The following ABCA5 variants were observed in gnomAD, a reference collection of about 807,000 sequenced individuals.
ABCA5 encodes cholesterol transporter ABCA5.
In ABCA5, 163 loss-of-function variants were observed where a neutral mutation model predicts 206.0. The ratio of observed to expected loss-of-function variants is 0.79; its 90% confidence interval spans 0.70 to 0.90. The LOEUF is 0.90. ABCA5 is among the 40% of genes least tolerant of loss of function. The pLI is 0.00. For synonymous variants in ABCA5, 609 were observed against 613.8 expected (o/e 0.99, Z 0.11); for missense variants, 1,859 against 1,912.9 (o/e 0.97, Z 0.53).
In ABCA5 at chr17:69,271,270, A is replaced by G. The variant is rs199845844; in HGVS notation, c.2784T>C (p.Leu928=). The G allele has an allele frequency of 1.5e-5, 24 of 1,612,088 alleles. No homozygotes were observed. The East Asian group carries it at 5.4e-4, about 36-fold the overall frequency. Residue 928 remains leucine, a synonymous_variant, in exon 21 of 39, where the codon CTT becomes CTC. Transcript: ENST00000392676. The part of the protein sequence containing the change: ...QNSADSDISD[L]ISFFTSQNIM... ...TGTTCTGGCTTGTGAAAAAGCTAAT[A>G]AGATCACTGATATCTGAGTCTGGTG... is the stretch of plus-strand genomic sequence containing the variant.
rs368003466 is a variant in ABCA5, at chr17:69,313,074, T to C, written c.307+18A>G. On this transcript the variant is annotated intron_variant, in intron 3 of 38. Coordinates refer to ENST00000392676, the MANE Select transcript of ABCA5 (RefSeq NM_172232.4). ...GGCTTAATATTATAAACAGAATATATATATAAGCTCACAATACCATCAGGT... is the reference window on the plus strand; with the variant it reads ...GGCTTAATATTATAAACAGAATATACATATAAGCTCACAATACCATCAGGT... 19 of 1,551,462 alleles carry C rather than the reference T, an allele frequency of 1.2e-5. No individual in the cohort carries two copies. The highest frequency in any genetic ancestry group is 1.9e-5 in the Admixed American group (1 of 53,412).
chr17:69,251,861 G>A lies in ABCA5; in HGVS notation c.4421C>T (p.Ala1474Val). 2.5e-6 allele frequency: 4 copies of A among 1,612,498 alleles called. No individual in the cohort carries two copies. Among genetic ancestry groups the A allele is most frequent in the Non-Finnish European group, 3.4e-6 (4 of 1,179,646 alleles). ...DPKAKQHMWRAIRTAFKNRKR... is the reference protein window; with the variant it reads ...DPKAKQHMWRVIRTAFKNRKR... Reference sequence around the variant, plus strand: ...TCTGTTTTTAAATGCAGTTCGAATTGCTCGCCTATAAAACATAAATAAAAC... The same window carrying A: ...TCTGTTTTTAAATGCAGTTCGAATTACTCGCCTATAAAACATAAATAAAAC... Residue 1474 changes from alanine (A) to valine (V), a missense_variant, in exon 35 of 39, where the codon GCA becomes GTA. Transcript: ENST00000392676.
At chr17:69,261,016 G>A in intron 26 of ABCA5, 109 bp downstream of exon 26, 1 of 829,114 alleles carries the variant, frequency 1.2e-6, no homozygotes, top group East Asian at 2.8e-5. Context: ...TCAAGTAGTA[G>A]CCATTAGCCC....
At chr17:69,300,008 G>C (rs2075635338) in intron 9 of ABCA5, among the ~76,000 whole-genome samples, 1 of 152,070 alleles carries the variant, frequency 6.6e-6, no homozygotes, top group Non-Finnish European at 1.5e-5. Flanking sequence ...CAGGGAGCAA[G>C]GATAGTTTCA....
At chr17:69,314,484 T>A (rs918689578) in intron 1 of ABCA5, 54 bp from the exon 2 acceptor site, 1 of 1,107,668 alleles carries the variant, frequency 9.0e-7, no homozygotes, top group Non-Finnish European at 1.3e-6. Flanking sequence ...GTAAACTGCA[T>A]GTAATTTTTA....
intron 24 of ABCA5, among the ~76,000 whole-genome samples, chr17:69,263,723 GTC>G (rs1410094455): frequency 2.6e-5 from 1 of 37,838 alleles, no homozygotes; most frequent in African/African-American, 1.4e-4. Flanking sequence ...TTGATAAAAA[GTC>G]TCTCTCTGTT....
In ABCA5 at chr17:69,305,571, T is replaced by C. The variant is rs144221451; in HGVS notation, c.789-761A>G. Among the ~76,000 whole-genome samples, 18 of 152,178 alleles carry C rather than the reference T, an allele frequency of 1.2e-4. No homozygotes were observed. In the East Asian group the frequency reaches 2.9e-3, roughly 24 times the overall value. ...AAATACTTTAATAACCCAATAAATT[T>C]TAAAAACCAATCCTTTGGCCAGGCA... On this transcript the variant is annotated intron_variant, in intron 6 of 38. Coordinates refer to ENST00000392676, the MANE Select transcript of ABCA5 (RefSeq NM_172232.4).
intron 9 of ABCA5, among the ~76,000 whole-genome samples, chr17:69,298,205 C>T (rs2075603635): frequency 1.3e-5 from 1 of 78,880 alleles, no homozygotes; most frequent in Non-Finnish European, 2.6e-5. Flanking sequence ...ACAGCAAAAC[C>T]CTGTCGGAAG....
chr17:69,256,468 T>A (rs1482040543), intron 28 of ABCA5, among the ~76,000 whole-genome samples, 185 bp from the exon 29 acceptor site: 1 of 151,344 alleles, frequency 6.6e-6, no homozygotes, highest in African/African-American at 2.4e-5. Flanking sequence ...TTTTTTTTTT[T>A]TTTAAGACAG....
At chr17:69,264,691 C>T (rs2075188382) in intron 24 of ABCA5, 44 bp downstream of exon 24, 2 of 1,287,290 alleles carry the variant, frequency 1.6e-6, no homozygotes, top group Non-Finnish European at 2.0e-6. Context: ...TTTTAAATAA[C>T]ATTCTATCTA....
At position 69,248,267 on chromosome 17, in the gene ABCA5, C is replaced by T. The variant is rs573795896; in HGVS notation, c.4816G>A (p.Glu1606Lys). The T allele has an allele frequency of 6.5e-6, 10 of 1,547,444 alleles. No homozygotes were observed. In the South Asian group the frequency reaches 1.1e-4, roughly 16 times the overall value. The change falls in exon 38 of 39, where the codon GAA becomes AAA. Residue 1606 changes from glutamate (E) to lysine (K), a missense_variant. Glu to Lys is a moderately conservative substitution (Grantham distance 56). Transcript: ENST00000392676. Reference protein sequence around the residue: ...EEYSFSQATLEQVFVELTKEQ... With the variant: ...EEYSFSQATLKQVFVELTKEQ... ...AAAATTTAACTTTATAGTACCTGTT[C>T]CAATGTTGCTTGAGAAAAGCTATAT...
chr17:69,309,436 A>G lies in ABCA5; in HGVS notation c.308-13T>C, dbSNP rs372884952. Reference sequence around the variant, plus strand: ...TCAGTAATTATGACTGTAAGATATCATAACAATATAGTTAGCTCACAAATT... The same window carrying G: ...TCAGTAATTATGACTGTAAGATATCGTAACAATATAGTTAGCTCACAAATT... On this transcript the variant is annotated splice_polypyrimidine_tract_variant and intron_variant, in intron 3 of 38. Transcript: ENST00000392676. The G allele has an allele frequency of 4.7e-5, 71 of 1,500,108 alleles. No individual in the cohort carries two copies. In the African/African-American group the frequency reaches 6.2e-4, roughly 13 times the overall value. 92.9% of individuals were successfully genotyped at this position (1,500,108 alleles called of 1,614,324 possible).
chr17:69,319,060 ACT>A (rs1312874000), intron 1 of ABCA5: 14 of 338,386 alleles, frequency 4.1e-5, no homozygotes, highest in Middle Eastern at 8.8e-4. Context: ...TTCATATTAG[ACT>A]CTGTTAAATA....
At chr17:69,320,558 T>A (rs903091129) in intron 1 of ABCA5, among the ~76,000 whole-genome samples, 1 of 152,240 alleles carries the variant, frequency 6.6e-6, no homozygotes, top group Non-Finnish European at 1.5e-5. Flanking sequence ...TAAGCCCATC[T>A]GATCACTGGT....
rs894403697 is a variant in ABCA5 at position 69,273,745 on chromosome 17, C to T, written c.2764+214G>A. 2.0e-5 allele frequency among the ~76,000 whole-genome samples: 3 copies of T among 152,048 alleles called. No individual in the cohort carries two copies. The South Asian group carries it at 6.2e-4, about 31-fold the overall frequency. On this transcript the variant is annotated intron_variant, in intron 20 of 38. Transcript: ENST00000392676. ...TGCTGGGATTACAGGTGGGAGCCAT[C>T]GCACCTGGCCAAAACTGTCATTTAT... is the stretch of plus-strand genomic sequence containing the variant.
chr17:69,302,636 A>G, intron 8 of ABCA5, 82 bp downstream of exon 8: 1 of 959,448 alleles, frequency 1.0e-6, no homozygotes, highest in Admixed American at 3.3e-5. Context: ...GGTAAATCAA[A>G]GGTAGTATTC....
chr17:69,305,913 A>G (rs1177441857), intron 6 of ABCA5, among the ~76,000 whole-genome samples: 1 of 152,202 alleles, frequency 6.6e-6, no homozygotes, highest in East Asian at 1.9e-4. Context: ...TAACAAATGA[A>G]AGAAAAACAA....
intron 20 of ABCA5, among the ~76,000 whole-genome samples, chr17:69,273,315 T>A (rs1312538470): frequency 6.6e-6 from 1 of 152,018 alleles, no homozygotes; most frequent in Non-Finnish European, 1.5e-5. Flanking sequence ...CAACTCTTTG[T>A]AAAGAGGGTT....
chr17:69,260,519 T>A (rs1440571079), intron 26 of ABCA5, 107 bp from the exon 27 acceptor site: 2 of 735,536 alleles, frequency 2.7e-6, no homozygotes, highest in African/African-American at 1.8e-5. Flanking sequence ...CTATAATAAG[T>A]TAGCTGTTCA....
Sources: allele counts gnomAD v4.1 joint callset (sites outside exome capture counted in the v4.1 genomes callset), GRCh38; gene constraint gnomAD v4.1.1; transcripts MANE v1.5; gene names NCBI Gene and HGNC (gene_info 2026-07-23, HGNC 2026-07-21).